The following ZNF709 variants were observed in gnomAD, a reference collection of about 807,000 sequenced individuals.
The protein encoded by ZNF709 is zinc finger protein 709.
ZNF709 carries 15 observed loss-of-function variants against 10.6 expected under a neutral mutation model. The ratio of observed to expected loss-of-function variants is 1.41; its 90% CI spans 0.95 to 2.18. The LOEUF (loss-of-function observed/expected upper bound fraction) is 2.18. Among genes scored for constraint, ZNF709 ranks in the 30% most tolerant of loss-of-function variants. The pLI is 0.00. For missense variants in ZNF709, 589 were observed against 774.0 expected (o/e 0.76, Z 2.84); for synonymous variants, 194 against 238.8 (o/e 0.81, Z 1.73).
chr19:12,465,595 C>T lies in ZNF709; in HGVS notation c.327G>A (p.Lys109=). The T allele has an allele frequency of 6.2e-7, 1 of 1,613,858 alleles. No homozygotes were observed. Among genetic ancestry groups the T allele is most frequent in the Non-Finnish European group, 8.5e-7 (1 of 1,179,992 alleles). ...TAAGAGATGAATGACACATATAGTC[C>T]TTTCCACACACACTACATTCATATG... The part of the protein sequence containing the change: ...VKPYECSVCG[K]DYMCHSSLNR... The change falls in exon 4 of 4, where the codon AAG becomes AAA. Residue 109 remains lysine (K), a synonymous_variant. Transcript: ENST00000397732.
chr19:12,465,823 A>G, intron 3 of ZNF709, 90 bp from the exon 4 acceptor site: 1 of 1,076,316 alleles, frequency 9.3e-7, no homozygotes, highest in Non-Finnish European at 1.2e-6. Context: ...AATCATTAGT[A>G]GGTAGTAGAA....
chr19:12,467,706 G>C (rs1970588686), intron 1 of ZNF709, among the ~76,000 whole-genome samples: 1 of 151,698 alleles, frequency 6.6e-6, no homozygotes, highest in African/African-American at 2.4e-5. Flanking sequence ...GAGCGTCTCT[G>C]CCCGGCGGCC....
intron 1 of ZNF709, chr19:12,481,072 C>T (rs571603759): frequency 2.7e-5 from 19 of 705,244 alleles, no homozygotes; most frequent in East Asian, 1.3e-4. Context: ...GCATGAGCCA[C>T]GATGCCTGGC....
Position 12,462,632 on chromosome 19 carries a change from C to T in ZNF709, c.*1364G>A, listed in dbSNP as rs934080613. The T allele has an allele frequency of 3.3e-5, 5 of 152,040 alleles. No homozygotes were observed. The highest frequency in any genetic ancestry group is 1.2e-4 in the African/African-American group (5 of 41,412). The allele number at this position is 152,040 out of a possible 1,614,324, so 9.4% of individuals were successfully genotyped here. A position where few individuals can be genotyped will look rare whatever the true frequency, so the allele number is the denominator to read the frequency against. On this transcript the variant is annotated 3_prime_UTR_variant, in exon 4 of 4. Transcript: ENST00000397732. ...AAAAATAGAAAAAAGGGTACTCTGT[C>T]TTCCTCTAAAAAAGCCTCTTTTGGT...
At chr19:12,482,558 G>A (rs1325429389) in intron 1 of ZNF709, among the ~76,000 whole-genome samples, 2 of 152,066 alleles carry the variant, frequency 1.3e-5, no homozygotes, top group Non-Finnish European at 2.9e-5. Context: ...CAGATCTCCT[G>A]GCCTTTACAG....
Position 12,479,847 on chromosome 19 carries a change from T to C in ZNF709, c.3+4808A>G, listed in dbSNP as rs184135036. ...ATTGTGCCACTGCACCCCAGCCTGGTGACAGAGTGAGACTCTGTCTCAAAA... is the reference window on the plus strand; with the variant it reads ...ATTGTGCCACTGCACCCCAGCCTGGCGACAGAGTGAGACTCTGTCTCAAAA... On this transcript the variant is annotated intron_variant, in intron 1 of 3. Coordinates refer to ENST00000397732, the MANE Select transcript of ZNF709 (RefSeq NM_152601.4). Among the ~76,000 whole-genome samples, 594 of 152,016 alleles carry C rather than the reference T, an allele frequency of 3.9e-3. 2 individuals are homozygous for C. Among genetic ancestry groups the C allele is most frequent in the African/African-American group, 0.014 (564 of 41,468 alleles).
At chr19:12,466,925 A>T (rs1247704778) in intron 1 of ZNF709, 75 bp from the exon 2 acceptor site, 1 of 1,518,064 alleles carries the variant, frequency 6.6e-7, no homozygotes, top group African/African-American at 1.4e-5. Context: ...GTTCATTAAA[A>T]GTTCATATAT....
At chr19:12,476,979 C>A (rs564443015) in intron 1 of ZNF709, among the ~76,000 whole-genome samples, 8 of 152,060 alleles carry the variant, frequency 5.3e-5, no homozygotes, top group Non-Finnish European at 1.0e-4. Context: ...TCAGATTTTG[C>A]CTGCAAAGAC....
intron 1 of ZNF709, 24 bp from the exon 2 acceptor site, chr19:12,466,874 G>A (rs774029895): frequency 6.2e-7 from 1 of 1,606,222 alleles, no homozygotes; most frequent in Non-Finnish European, 8.5e-7. Flanking sequence ...CATGTATAGG[G>A]GAGGATGGGT....
intron 1 of ZNF709, among the ~76,000 whole-genome samples, chr19:12,481,663 T>C (rs1970727878): frequency 6.6e-6 from 1 of 151,678 alleles, no homozygotes; most frequent in Non-Finnish European, 1.5e-5. Flanking sequence ...TAACAGAAAC[T>C]AGAATTCAGC....
intron 1 of ZNF709, among the ~76,000 whole-genome samples, chr19:12,468,004 C>T (rs1265877620): frequency 1.3e-5 from 2 of 151,188 alleles, no homozygotes; most frequent in East Asian, 2.0e-4. Flanking sequence ...CACGGCCAGC[C>T]GCCCCGTCCG....
intron 1 of ZNF709, among the ~76,000 whole-genome samples, chr19:12,468,846 A>AT (rs942905541): frequency 0.013 from 1,889 of 147,446 alleles, 24 homozygotes; most frequent in African/African-American, 0.043. Flanking sequence ...TCTGTACGAG[A>AT]TTTTTTTTTT....
Position 12,462,905 on chromosome 19 carries a change from G to A in ZNF709, c.*1091C>T, listed in dbSNP as rs998615152. 1 of 152,142 alleles carries A rather than the reference G, an allele frequency of 6.6e-6. No homozygotes were observed. Among genetic ancestry groups the A allele is most frequent in the Non-Finnish European group, 1.5e-5 (1 of 68,030 alleles). The allele number at this position is 152,142 out of a possible 1,614,324, so 9.4% of individuals were successfully genotyped here. ...AAAAAATACTATCAATTCAACTTGT[G>A]TACAACTGTATAAGAGCTTACAGAA... On this transcript the variant is annotated 3_prime_UTR_variant, in exon 4 of 4. Transcript: ENST00000397732.
Position 12,465,073 on chromosome 19 carries a change from C to T in ZNF709, c.849G>A (p.Lys283=). 1.2e-6 allele frequency: 2 copies of T among 1,611,672 alleles called. No individual in the cohort carries two copies. Among genetic ancestry groups the T allele is most frequent in the South Asian group, 1.1e-5 (1 of 90,546 alleles). Residue 283 remains lysine (K), a synonymous_variant, in exon 4 of 4, where the codon AAG becomes AAA. Coordinates refer to ENST00000397732, the MANE Select transcript of ZNF709 (RefSeq NM_152601.4). ...THTGEKPYQC[K]QCGKALSCPT... The stretch of plus-strand genomic sequence containing the variant: ...GACAACTAAGAGCTTTACCACATTG[C>T]TTACACTGATAGGGTTTTTCCCCAG...
At chr19:12,476,278 C>T (rs1970677641) in intron 1 of ZNF709, among the ~76,000 whole-genome samples, 1 of 151,818 alleles carries the variant, frequency 6.6e-6, no homozygotes, top group Non-Finnish European at 1.5e-5. Flanking sequence ...TGTAGTCCCA[C>T]CTACTCAGGA....
Position 12,465,174 on chromosome 19 carries a change from T to C in ZNF709, c.748A>G (p.Lys250Glu). Residue 250 changes from lysine (K) to glutamate (E), a missense_variant, in exon 4 of 4, where the codon AAA becomes GAA. Lys to Glu is a moderately conservative substitution (Grantham distance 56, BLOSUM62 1). Coordinates refer to ENST00000397732, the MANE Select transcript of ZNF709 (RefSeq NM_152601.4). ...RNHERTHSGE[K>E]PYECKQCGKA... ...CCACATTGTTTACATTCATAGGGTT[T>C]CTCTCCAGAGTGAGTTCTTTCATGA... The C allele has an allele frequency of 6.2e-7, 1 of 1,613,848 alleles. No homozygotes were observed. Among genetic ancestry groups the C allele is most frequent in the African/African-American group, 1.3e-5 (1 of 75,042 alleles).
Position 12,465,167 on chromosome 19 carries a change from T to C in ZNF709, c.755A>G (p.Tyr252Cys), listed in dbSNP as rs1167304307. The C allele has an allele frequency of 1.9e-6, 3 of 1,613,720 alleles. No individual in the cohort carries two copies. Among genetic ancestry groups the C allele is most frequent in the Admixed American group, 1.7e-5 (1 of 59,888 alleles). The change falls in exon 4 of 4, where the codon TAT becomes TGT. Residue 252 changes from tyrosine to cysteine, a missense_variant. Around this residue, in one of 2 missense-constraint regions of ZNF709, gnomAD observed 418 missense variants for 496.3 expected, o/e 0.84. Transcript: ENST00000397732. ...AGCTTTTCCACATTGTTTACATTCATAGGGTTTCTCTCCAGAGTGAGTTCT... is the reference window on the plus strand; with the variant it reads ...AGCTTTTCCACATTGTTTACATTCACAGGGTTTCTCTCCAGAGTGAGTTCT... Reference protein sequence around the residue: ...HERTHSGEKPYECKQCGKAFR... With the variant: ...HERTHSGEKPCECKQCGKAFR...
chr19:12,479,753 C>T (rs959781107), intron 1 of ZNF709, among the ~76,000 whole-genome samples: 6 of 152,044 alleles, frequency 3.9e-5, no homozygotes, highest in African/African-American at 1.4e-4. Flanking sequence ...GCATGTAGTC[C>T]CAGCTACTCG....
At chr19:12,465,884 G>A (rs1970566394) in intron 3 of ZNF709, 151 bp from the exon 4 acceptor site, 6 of 529,802 alleles carry the variant, frequency 1.1e-5, no homozygotes, top group Middle Eastern at 5.1e-4. Context: ...TGCTCAGGAA[G>A]AGTACTTGAC....
Sources: gnomAD v4.1 joint callset for allele counts (sites outside exome capture counted in the v4.1 genomes callset) on GRCh38, gnomAD v4.1.1 for gene constraint, gnomAD v4.1.1 regional missense constraint, MANE v1.5 for transcripts, NCBI Gene and HGNC (gene_info 2026-07-23, HGNC 2026-07-21) for gene names.